STOML3: variants seen among roughly 807,000 people sequenced by gnomAD.
STOML3 encodes the protein stomatin like 3.
STOML3 carries 31 observed loss-of-function variants against 29.5 expected under a neutral mutation model. That is an observed-to-expected ratio of 1.05 (90% confidence interval 0.79 to 1.42). STOML3 has a LOEUF of 1.42. Ranked by LOEUF, STOML3 falls within the 40% of genes most tolerant of loss-of-function variation. The probability of loss-of-function intolerance (pLI) is 0.00; values close to 1 mark genes in which losing one functional copy is unlikely to be tolerated. For synonymous variants in STOML3, 122 were observed against 139.8 expected, an observed-to-expected ratio of 0.87 and a Z score of 0.90; for missense variants, 380 against 363.0, an observed-to-expected ratio of 1.05 and a Z score of -0.38.
At position 38,967,008 on chromosome 13, in the gene STOML3, C is replaced by G; in HGVS notation, c.693G>C (p.Leu231=). ...AEGEMNASKS[L]KSASMVLAES... ...CAGCCAGCACCATGGAGGCTGACTT[C>G]AGGGATTTGGAAGCATTCATTTCTC... The change falls in exon 7 of 7, where the codon CTG becomes CTC. Residue 231 remains leucine (L), a synonymous_variant. Transcript: ENST00000379631. 1 of 1,614,024 alleles carries G rather than the reference C, an allele frequency of 6.2e-7. No individual in the cohort carries two copies. Among genetic ancestry groups the G allele is most frequent in the Non-Finnish European group, 8.5e-7 (1 of 1,179,996 alleles).
chr13:38,983,504 A>G (rs552913412), intron 1 of STOML3, among the ~76,000 whole-genome samples: 2 of 152,320 alleles, frequency 1.3e-5, no homozygotes, highest in African/African-American at 2.4e-5. Flanking sequence ...GTTTCTCTAT[A>G]TATGCAAGAG....
At position 38,976,713 on chromosome 13, in the gene STOML3, G is replaced by C. The variant is rs1431942592; in HGVS notation, c.137C>G (p.Ser46Cys). 2.0e-5 allele frequency: 32 copies of C among 1,613,910 alleles called. No individual in the cohort carries two copies. The highest frequency in any genetic ancestry group is 2.7e-5 in the Non-Finnish European group (32 of 1,179,970). Residue 46 changes from serine to cysteine, a missense_variant, in exon 2 of 7, where the codon TCC becomes TGC. Transcript: ENST00000379631. ...TGTTACCTTCAAGCACATCCATATG[G>C]AGATGGGGAAGGTAATGATCACCAA... ...FLLVIITFPI[S>C]IWMCLKIIKE...
intron 1 of STOML3, 104 bp downstream of exon 1, chr13:38,990,566 C>A: frequency 8.8e-7 from 1 of 1,134,742 alleles, no homozygotes. Flanking sequence ...AGGCCGATTT[C>A]TGCAAATATA....
chr13:38,976,629 G>C lies in STOML3; in HGVS notation c.157-17C>G, dbSNP rs202188688. ...CTTAATGATCTAGGAGATTAAGGGC[G>C]AACGTTTAGTCCTAATGGTTTGTCA... On this transcript the variant is annotated splice_polypyrimidine_tract_variant and intron_variant, in intron 2 of 6. Coordinates refer to ENST00000379631, the MANE Select transcript of STOML3 (RefSeq NM_145286.3). 1.9e-6 allele frequency: 3 copies of C among 1,614,100 alleles called. No homozygotes were observed. In the South Asian group the frequency reaches 3.3e-5, roughly 18 times the overall value.
chr13:38,969,176 A>G (rs1880771825), intron 5 of STOML3, among the ~76,000 whole-genome samples: 1 of 152,176 alleles, frequency 6.6e-6, no homozygotes, highest in African/African-American at 2.4e-5. Flanking sequence ...CATATTTTTC[A>G]AGGCAGAAGC....
At chr13:38,984,236 C>A (rs1868418928) in intron 1 of STOML3, among the ~76,000 whole-genome samples, 1 of 152,150 alleles carries the variant, frequency 6.6e-6, no homozygotes, top group Non-Finnish European at 1.5e-5. Flanking sequence ...CACATGAATA[C>A]CCCCTACAGT....
At chr13:38,974,124 C>A (rs1468580412) in intron 3 of STOML3, among the ~76,000 whole-genome samples, 3 of 152,106 alleles carry the variant, frequency 2.0e-5, no homozygotes, top group Non-Finnish European at 2.9e-5. Context: ...CATTTAAGGA[C>A]CCTGGGAACT....
rs1472057108 is a variant in STOML3, at chr13:38,987,928, T to C, written c.52+2742A>G. On this transcript the variant is annotated intron_variant, in intron 1 of 6. Coordinates refer to ENST00000379631, the MANE Select transcript of STOML3 (RefSeq NM_145286.3). ...ATATAATATATTATATTTTATATAA[T>C]ATATTATGTTATATATAATATATTA... Among the ~76,000 whole-genome samples the C allele has an allele frequency of 6.9e-5, 5 of 72,490 alleles. No individual in the cohort carries two copies. The East Asian group carries it at 2.1e-3, about 31-fold the overall frequency. 47.6% of individuals were successfully genotyped at this position (72,490 alleles called of 152,430 possible). A position where few individuals can be genotyped will look rare whatever the true frequency, so the allele number is the denominator to read the frequency against.
Position 38,966,944 on chromosome 13 carries a change from A to G in STOML3, c.757T>C (p.Leu253=). 2 of 1,613,320 alleles carry G rather than the reference A, an allele frequency of 1.2e-6. No homozygotes were observed. Among genetic ancestry groups the G allele is most frequent in the African/African-American group, 1.3e-5 (1 of 74,760 alleles). Residue 253 remains leucine (L), a synonymous_variant, in exon 7 of 7, where the codon TTG becomes CTG. Coordinates refer to ENST00000379631, the MANE Select transcript of STOML3 (RefSeq NM_145286.3). ...TTCTTCTCGGTGGCTACCGTGCTCA[A>G]GGTCTGCAGGTAGCGCAGCTGGAGA... ...IALQLRYLQT[L]STVATEKNST...
chr13:38,967,148 C>T (rs1593495435), intron 6 of STOML3, 99 bp from the exon 7 acceptor site: 9 of 1,043,236 alleles, frequency 8.6e-6, no homozygotes, highest in Non-Finnish European at 1.2e-5. Context: ...TCCCCAGCCC[C>T]CATGTTGCCA....
At chr13:38,989,616 C>T (rs1329629367) in intron 1 of STOML3, among the ~76,000 whole-genome samples, 1 of 152,036 alleles carries the variant, frequency 6.6e-6, no homozygotes, top group Non-Finnish European at 1.5e-5. Flanking sequence ...AATCCTCCCA[C>T]CTCAACCTCC....
rs1376784422 is a variant in STOML3, at chr13:38,987,793, T to C, written c.52+2877A>G. Among the ~76,000 whole-genome samples, 3 of 110,722 alleles carry C rather than the reference T, an allele frequency of 2.7e-5. 1 individual carries two copies. The highest frequency in any genetic ancestry group is 1.1e-4 in the African/African-American group (3 of 27,726). The allele number at this position is 110,722 out of a possible 152,430, so 72.6% of individuals were successfully genotyped here. On this transcript the variant is annotated intron_variant, in intron 1 of 6. Coordinates refer to ENST00000379631, the MANE Select transcript of STOML3 (RefSeq NM_145286.3). ...TATATACTATTGTGTATATATTATATATTATATTTTATATATAATATATTA... is the reference window on the plus strand; with the variant it reads ...TATATACTATTGTGTATATATTATACATTATATTTTATATATAATATATTA...
intron 1 of STOML3, chr13:38,980,264 TG>T: frequency 1.2e-6 from 1 of 829,136 alleles, no homozygotes; most frequent in East Asian, 2.8e-5. Flanking sequence ...CCAGTTAAAG[TG>T]GGGCTGTGAG....
At chr13:38,979,661 G>T (rs896109841) in intron 1 of STOML3, among the ~76,000 whole-genome samples, 1 of 152,068 alleles carries the variant, frequency 6.6e-6, no homozygotes, top group Non-Finnish European at 1.5e-5. Flanking sequence ...TTACACCTGT[G>T]TCTCAGTTTA....
At chr13:38,977,095 A>G (rs928579112) in intron 1 of STOML3, among the ~76,000 whole-genome samples, 2 of 152,268 alleles carry the variant, frequency 1.3e-5, no homozygotes, top group African/African-American at 4.8e-5. Context: ...CTCAAAACAC[A>G]TAAACAGTGG....
intron 1 of STOML3, among the ~76,000 whole-genome samples, chr13:38,987,716 T>G (rs12857215): frequency 7.8e-6 from 1 of 127,878 alleles, no homozygotes; most frequent in Admixed American, 9.4e-5. Context: ...ATTATATATA[T>G]TAATTCATAT....
chr13:38,984,930 C>T (rs1182943380), intron 1 of STOML3, among the ~76,000 whole-genome samples: 1 of 152,086 alleles, frequency 6.6e-6, no homozygotes, highest in Non-Finnish European at 1.5e-5. Context: ...CTTTTAAGTA[C>T]TTTGAAGTAC....
chr13:38,971,374 G>C (rs772729687), intron 4 of STOML3, among the ~76,000 whole-genome samples: 64 of 152,240 alleles, frequency 4.2e-4, no homozygotes, highest in Non-Finnish European at 8.1e-4. Context: ...GTTCCTAAGT[G>C]ACATGAAGAC....
intron 1 of STOML3, among the ~76,000 whole-genome samples, chr13:38,983,016 G>A (rs893254985): frequency 1.3e-5 from 2 of 152,098 alleles, no homozygotes; most frequent in Non-Finnish European, 2.9e-5. Flanking sequence ...ACAGGCATGA[G>A]TGACTATTTT....
Sources: gnomAD v4.1 joint callset for allele counts (sites outside exome capture counted in the v4.1 genomes callset) on GRCh38, gnomAD v4.1.1 for gene constraint, MANE v1.5 for transcripts, NCBI Gene and HGNC (gene_info 2026-07-23, HGNC 2026-07-21) for gene names.